Variants in PPP2R3C observed in about 807,000 individuals in gnomAD.
PPP2R3C encodes the protein protein phosphatase 2 regulatory subunit B''gamma.
In PPP2R3C, 47 loss-of-function variants were observed where a neutral mutation model predicts 63.7. The observed-to-expected ratio is 0.74, with a 90% CI of 0.58 to 0.94. The LOEUF (loss-of-function observed/expected upper bound fraction) is 0.94, where lower values mean the gene tolerates loss of function less well. Ranked by LOEUF, PPP2R3C falls within the 40% of genes least tolerant of loss-of-function variation. The pLI is 0.00. For synonymous variants in PPP2R3C, 180 were observed against 177.4 expected, an observed-to-expected ratio of 1.01 and a Z score of -0.12; for missense variants, 421 against 518.4, an observed-to-expected ratio of 0.81 and a Z score of 1.82.
intron 7 of PPP2R3C, among the ~76,000 whole-genome samples, chr14:35,097,623 C>T (rs1226667824): frequency 6.6e-6 from 1 of 151,804 alleles, no homozygotes; most frequent in Non-Finnish European, 1.5e-5. Context: ...GCTGGGAATA[C>T]AGGCACCCAC....
intron 11 of PPP2R3C, among the ~76,000 whole-genome samples, chr14:35,088,786 T>A (rs745842398): frequency 6.6e-6 from 1 of 152,206 alleles, no homozygotes; most frequent in Non-Finnish European, 1.5e-5. Flanking sequence ...AAACGCTCTG[T>A]GAACAGCCCA....
At chr14:35,110,001 T>C in intron 3 of PPP2R3C, 70 bp from the exon 4 acceptor site, 1 of 1,145,426 alleles carries the variant, frequency 8.7e-7, no homozygotes, top group South Asian at 1.5e-5. Context: ...TAGTTAAATG[T>C]GTGCTTTCCA....
chr14:35,121,799 A>G, intron 1 of PPP2R3C, 103 bp downstream of exon 1: 1 of 1,311,506 alleles, frequency 7.6e-7, no homozygotes, highest in Non-Finnish European at 1.1e-6. Flanking sequence ...GTTTCACAGA[A>G]GCGGAAAAGG....
intron 10 of PPP2R3C, among the ~76,000 whole-genome samples, chr14:35,092,007 A>T (rs1470263768): frequency 6.6e-6 from 1 of 152,126 alleles, no homozygotes; most frequent in Non-Finnish European, 1.5e-5. Context: ...GGCATGCACC[A>T]CTGTGCCCAG....
intron 1 of PPP2R3C, among the ~76,000 whole-genome samples, chr14:35,121,282 C>G (rs948881381): frequency 3.3e-5 from 5 of 151,956 alleles, no homozygotes; most frequent in Non-Finnish European, 7.4e-5. Flanking sequence ...GAGGCTGAGG[C>G]AGAAGAACCG....
chr14:35,119,849 CTTTTTTT>C (rs71121267), intron 1 of PPP2R3C, among the ~76,000 whole-genome samples: 1 of 117,016 alleles, frequency 8.5e-6, no homozygotes, highest in Non-Finnish European at 1.7e-5. Context: ...GACAGTTCAT[CTTTTTTT>C]TTTTTTTTTT....
In PPP2R3C at chr14:35,110,573, G is replaced by A; in HGVS notation, c.243C>T (p.Val81=). ...GTTCTCTGCTTTTTCTTTGTAGAAA[G>A]ACAGCTCTTGATTCCTCTCTTAATT... The part of the protein sequence containing the change: ...LQKLREESRA[V]FLQRKSRELL... The change falls in exon 3 of 13, where the codon GTC becomes GTT. Residue 81 remains valine (V), a synonymous_variant. Coordinates refer to ENST00000261475, the MANE Select transcript of PPP2R3C (RefSeq NM_017917.4). The A allele has an allele frequency of 1.2e-6, 2 of 1,612,542 alleles. No individual in the cohort carries two copies. The highest frequency in any genetic ancestry group is 1.7e-6 in the Non-Finnish European group (2 of 1,179,522).
chr14:35,096,883 T>G (rs975097189), intron 7 of PPP2R3C, 119 bp from the exon 8 acceptor site: 16 of 991,310 alleles, frequency 1.6e-5, no homozygotes, highest in Non-Finnish European at 2.3e-5. Flanking sequence ...AGCTTCTAGC[T>G]CTTATGCTCC....
At chr14:35,110,671 A>C (rs775476469) in intron 2 of PPP2R3C, 42 bp from the exon 3 acceptor site, 2 of 1,334,212 alleles carry the variant, frequency 1.5e-6, no homozygotes, top group Non-Finnish European at 2.1e-6. Context: ...ATTTTAGACT[A>C]CTGGATCCTA....
At chr14:35,116,049 A>G (rs1240027156) in intron 2 of PPP2R3C, among the ~76,000 whole-genome samples, 1 of 152,178 alleles carries the variant, frequency 6.6e-6, no homozygotes, top group Non-Finnish European at 1.5e-5. Context: ...ACTAATATCT[A>G]TAATAAAAAT....
chr14:35,103,324 G>C (rs2046254950), intron 6 of PPP2R3C, among the ~76,000 whole-genome samples: 1 of 152,082 alleles, frequency 6.6e-6, no homozygotes. Context: ...ATTTTGCCTT[G>C]GAGACACTGT....
intron 6 of PPP2R3C, chr14:35,101,610 G>A (rs79771425): frequency 1.3e-5 from 2 of 152,242 alleles, no homozygotes; most frequent in Admixed American, 6.5e-5. Flanking sequence ...AAACACTAAA[G>A]GTGTCAATTC....
intron 2 of PPP2R3C, among the ~76,000 whole-genome samples, chr14:35,115,561 C>T (rs1354689557): frequency 1.3e-5 from 2 of 151,578 alleles, no homozygotes; most frequent in South Asian, 2.1e-4. Context: ...TTTGTCTATA[C>T]GTCCCTTCAT....
At chr14:35,098,913 A>G (rs2046095435) in intron 7 of PPP2R3C, 1 of 175,874 alleles carries the variant, frequency 5.7e-6, no homozygotes, top group Admixed American at 6.2e-5. Flanking sequence ...CACACAGCAG[A>G]GACAGCAAAT....
intron 2 of PPP2R3C, chr14:35,112,836 C>G (rs1442620994): frequency 6.6e-6 from 1 of 152,238 alleles, no homozygotes; most frequent in Non-Finnish European, 1.5e-5. Context: ...TTATCTTAAC[C>G]CAGACATTCC....
chr14:35,115,468 T>C (rs1174983756), intron 2 of PPP2R3C, among the ~76,000 whole-genome samples: 2 of 151,748 alleles, frequency 1.3e-5, no homozygotes, highest in African/African-American at 4.8e-5. Flanking sequence ...GGCCAACATT[T>C]TTTTTTTGAG....
At chr14:35,091,959 A>G (rs1346644447) in intron 10 of PPP2R3C, among the ~76,000 whole-genome samples, 1 of 151,942 alleles carries the variant, frequency 6.6e-6, no homozygotes, top group Non-Finnish European at 1.5e-5. Flanking sequence ...ACCTCAAGTG[A>G]CCCGCCTGCC....
Position 35,108,005 on chromosome 14 carries a change from C to T in PPP2R3C, c.502+134G>A, listed in dbSNP as rs1480892594. ...GCTAACCCAAGTTTATGTAACACAT[C>T]TTGGTCAAAAGATAAGAAATTCTAC... On this transcript the variant is annotated intron_variant, in intron 5 of 12. Transcript: ENST00000261475. The T allele has an allele frequency of 3.8e-5, 50 of 1,311,692 alleles. No individual in the cohort carries two copies. In the South Asian group the frequency reaches 6.8e-4, roughly 18 times the overall value. 81.3% of individuals were successfully genotyped at this position (1,311,692 alleles called of 1,614,324 possible). A position where few individuals can be genotyped will look rare whatever the true frequency, so the allele number is the denominator to read the frequency against.
chr14:35,121,794 A>C (rs2138743177), intron 1 of PPP2R3C, 108 bp downstream of exon 1: 8 of 1,278,326 alleles, frequency 6.3e-6, no homozygotes, highest in Non-Finnish European at 8.9e-6. Flanking sequence ...GGGAGGTTTC[A>C]CAGAAGCGGA....
Sources: allele counts gnomAD v4.1 joint callset (sites outside exome capture counted in the v4.1 genomes callset), GRCh38; gene constraint gnomAD v4.1.1; transcripts MANE v1.5; gene names NCBI Gene and HGNC (gene_info 2026-07-23, HGNC 2026-07-21).